Variants in KIFC3 observed in about 807,000 individuals in gnomAD.
The protein encoded by KIFC3 is kinesin-like protein KIFC3.
A neutral mutation model predicts 101.8 loss-of-function variants in KIFC3; 60 were observed. The observed-to-expected ratio is 0.59, with a 90% CI of 0.48 to 0.73. The LOEUF (loss-of-function observed/expected upper bound fraction) is 0.73. Ranked by LOEUF, KIFC3 falls within the 30% of genes least tolerant of loss-of-function variation. The pLI is 0.00. For missense variants in KIFC3, 966 were observed against 1,137.1 expected (o/e 0.85, Z 2.16); for synonymous variants, 476 against 482.7 (o/e 0.99, Z 0.18).
At chr16:57,818,998 C>T (rs535001599) in intron 1 of KIFC3, among the ~76,000 whole-genome samples, 9 of 152,316 alleles carry the variant, frequency 5.9e-5, no homozygotes, top group East Asian at 5.8e-4. Context: ...AGCTGAGCCA[C>T]GGAGTCTGGG....
chr16:57,786,509 G>A (rs2053339264), intron 3 of KIFC3, among the ~76,000 whole-genome samples: 1 of 152,072 alleles, frequency 6.6e-6, no homozygotes, highest in African/African-American at 2.4e-5. Flanking sequence ...GTTTGGGGGA[G>A]AGAGAGAAGA....
At chr16:57,826,039 G>A (rs1244410354) in intron 1 of KIFC3, among the ~76,000 whole-genome samples, 1 of 152,220 alleles carries the variant, frequency 6.6e-6, no homozygotes, top group African/African-American at 2.4e-5. Flanking sequence ...TGCAAACTAT[G>A]GTGAAAAGTA....
In KIFC3 at chr16:57,760,416, C is replaced by T. The variant is rs782117533; in HGVS notation, c.2233G>A (p.Val745Met). Residue 745 changes from valine (V) to methionine (M), a missense_variant and splice_region_variant, in exon 17 of 20, where the codon GTG becomes ATG. Physicochemically the swap from Val to Met is conservative, Grantham distance 21. This residue lies in a region of KIFC3 where 689 missense variants were observed against 884.6 expected (regional missense o/e 0.78). Transcript: ENST00000445690. ...GDSKTLMVVQ[V>M]SPVEKNTSET... ...CTAGTGTTCTTCTCCACGGGGGACACCTAGGGGACACGAGAGCTCACTGCC... is the reference window on the plus strand; with the variant it reads ...CTAGTGTTCTTCTCCACGGGGGACATCTAGGGGACACGAGAGCTCACTGCC... The T allele has an allele frequency of 6.2e-7, 1 of 1,613,060 alleles. No individual in the cohort carries two copies. Among genetic ancestry groups the T allele is most frequent in the Non-Finnish European group, 8.5e-7 (1 of 1,179,544 alleles).
intron 1 of KIFC3, among the ~76,000 whole-genome samples, chr16:57,850,983 TTCCTTCCTTCCTTCCC>T (rs1346481907): frequency 5.3e-4 from 9 of 17,084 alleles, no homozygotes; most frequent in South Asian, 2.0e-3. Context: ...CCTTCCTTCC[TTCCTTCCTTCCTTCCC>T]TCCCTCCCTC....
chr16:57,855,819 A>T (rs1251263773), intron 1 of KIFC3, among the ~76,000 whole-genome samples: 1 of 151,580 alleles, frequency 6.6e-6, no homozygotes, highest in Admixed American at 6.6e-5. Flanking sequence ...GGTGGCACAC[A>T]CCTATAGTCC....
At chr16:57,764,567 G>A (rs2050235901) in intron 11 of KIFC3, among the ~76,000 whole-genome samples, 1 of 152,264 alleles carries the variant, frequency 6.6e-6, no homozygotes, top group Non-Finnish European at 1.5e-5. Context: ...CTCTGGCCTG[G>A]GCCTGCCTGC....
At chr16:57,829,618 A>G (rs565325183) in intron 1 of KIFC3, among the ~76,000 whole-genome samples, 1 of 152,346 alleles carries the variant, frequency 6.6e-6, no homozygotes, top group Non-Finnish European at 1.5e-5. Context: ...AAAAGTACCT[A>G]GGGCTCAGGA....
Position 57,795,034 on chromosome 16 carries a change from G to C in KIFC3, c.280C>G (p.Pro94Ala), listed in dbSNP as rs781885580. Residue 94 changes from proline (P) to alanine (A), a missense_variant, in exon 3 of 20, where the codon CCC (proline) becomes GCC (alanine). Physicochemically the swap from Pro to Ala is conservative, Grantham distance 27 (BLOSUM62 -1). Transcript: ENST00000445690. ...CRALSVDWAGPGSPHGLYLTL... is the reference protein window; with the variant it reads ...CRALSVDWAGAGSPHGLYLTL... ...AGGTAGAGCCCGTGGGGGCTTCCGG[G>C]GCCAGCCCAGTCCACGCTAAGGGCT... 1 of 1,598,434 alleles carries C rather than the reference G, an allele frequency of 6.3e-7. No individual in the cohort carries two copies. The highest frequency in any genetic ancestry group is 2.3e-5 in the East Asian group (1 of 43,230).
chr16:57,858,548 A>G (rs2056227883), intron 1 of KIFC3, among the ~76,000 whole-genome samples: 1 of 152,160 alleles, frequency 6.6e-6, no homozygotes, highest in African/African-American at 2.4e-5. Context: ...CTTTCTCTGG[A>G]GTTCTGCTCC....
In KIFC3 at chr16:57,797,903, C is replaced by T. The variant is rs1378240660; in HGVS notation, c.172+169G>A. Reference sequence around the variant, plus strand: ...AGGGGCGCAGGGAAGGAGCGCCCGGCGAGACTGACGCTCCGGCTCCACGCC... The same window carrying T: ...AGGGGCGCAGGGAAGGAGCGCCCGGTGAGACTGACGCTCCGGCTCCACGCC... On this transcript the variant is annotated intron_variant, in intron 2 of 19. Transcript: ENST00000445690. The T allele has an allele frequency of 5.4e-6, 8 of 1,484,788 alleles. No individual in the cohort carries two copies. The South Asian group carries it at 6.9e-5, about 13-fold the overall frequency. The allele number at this position is 1,484,788 out of a possible 1,614,324, so 92.0% of individuals were successfully genotyped here. A position where few individuals can be genotyped will look rare whatever the true frequency, so the allele number is the denominator to read the frequency against.
Position 57,771,413 on chromosome 16 carries a change from G to A in KIFC3, c.550C>T (p.Leu184=), listed in dbSNP as rs782163255. The change falls in exon 6 of 20, where the codon CTG becomes TTG. Residue 184 remains leucine, a synonymous_variant. Transcript: ENST00000445690. ...SQESAQLRDK[L]SQLQLEMAES... is the part of the protein sequence containing the mutation. ...GCCATCTCCAGCTGCAGCTGGGACA[G>A]CTTGTCACGGAGCTGGGCGCTCTCC... 1.9e-6 allele frequency: 3 copies of A among 1,613,634 alleles called. No individual in the cohort carries two copies. In the East Asian group the frequency reaches 6.7e-5, roughly 36 times the overall value.
At chr16:57,830,121 C>T (rs1555478953) in intron 1 of KIFC3, among the ~76,000 whole-genome samples, 1 of 152,124 alleles carries the variant, frequency 6.6e-6, no homozygotes, top group Non-Finnish European at 1.5e-5. Context: ...ACAGAGAGCA[C>T]TGGCTTTGGT....
At chr16:57,807,015 C>T (rs1156921549), upstream of KIFC3, among the ~76,000 whole-genome samples, 3 of 152,038 alleles carry the variant, frequency 2.0e-5, no homozygotes, top group African/African-American at 4.8e-5. Context: ...GTCAGCAGTT[C>T]GAGACCAGCC....
At position 57,853,759 on chromosome 16, in the gene KIFC3, G is replaced by A. The variant is rs2056105832; in HGVS notation, c.108+8970C>T. On this transcript the variant is annotated intron_variant, in intron 1 of 2. Coordinates refer to the KIFC3 transcript ENST00000563028. Reference sequence around the variant, plus strand: ...CAATTCTCCTGTCTCAGCCTCCTGAGTAGCTGGGATTACAGGCGTGCGCCA... The same window carrying A: ...CAATTCTCCTGTCTCAGCCTCCTGAATAGCTGGGATTACAGGCGTGCGCCA... Among the ~76,000 whole-genome samples, 2 of 152,150 alleles carry A rather than the reference G, an allele frequency of 1.3e-5. 1 individual carries two copies. Among genetic ancestry groups the A allele is most frequent in the South Asian group, 4.1e-4 (2 of 4,830 alleles).
Position 57,765,643 on chromosome 16 carries a change from G to A in KIFC3, c.1331-3C>T, listed in dbSNP as rs1555602293. The A allele has an allele frequency of 3.1e-6, 5 of 1,607,380 alleles. No homozygotes were observed. The South Asian group carries it at 5.6e-5, about 18-fold the overall frequency. ...ACGAGCAATCACTCGGATGTTCCCT[G>A]GATTGGTTGGGGATGGGGAAATGGG... On this transcript the variant is annotated splice_polypyrimidine_tract_variant and splice_region_variant and intron_variant, in intron 10 of 19. Transcript: ENST00000445690.
At chr16:57,815,748 C>A in intron 1 of KIFC3, 1 of 1,014,252 alleles carries the variant, frequency 9.9e-7, no homozygotes, top group Non-Finnish European at 1.3e-6. Context: ...ATGGCTTGTC[C>A]CACGGCCAAG....
In KIFC3 at chr16:57,802,324, G is replaced by T; in HGVS notation, c.-40+46C>A. 1 of 930,944 alleles carries T rather than the reference G, an allele frequency of 1.1e-6. No individual in the cohort carries two copies. Among genetic ancestry groups the T allele is most frequent in the Non-Finnish European group, 1.3e-6 (1 of 780,954 alleles). 57.7% of individuals were successfully genotyped at this position (930,944 alleles called of 1,614,324 possible). A position where few individuals can be genotyped will look rare whatever the true frequency, so the allele number is the denominator to read the frequency against. On this transcript the variant is annotated intron_variant, in intron 1 of 19. Coordinates refer to ENST00000445690, the MANE Select transcript of KIFC3 (RefSeq NM_001130100.2). This position sits in a 1 kb window ranked among gnomAD's most constrained non-coding sequence, Gnocchi z 5.0. ...CGCCCCAAACGGCGGGCCGGGCAGA[G>T]CCCAGCGCCCCGCTCGCACCCAGCC...
chr16:57,803,134 A>G (rs2054843563), upstream of KIFC3: 3 of 1,099,716 alleles, frequency 2.7e-6, no homozygotes, highest in East Asian at 7.7e-5. Flanking sequence ...CAGCAAATGA[A>G]TATCTTCCCA....
chr16:57,834,158 G>A lies in KIFC3; in HGVS notation c.108+28571C>T, dbSNP rs186295063. Among the ~76,000 whole-genome samples, 211 of 152,180 alleles carry A rather than the reference G, an allele frequency of 1.4e-3. 2 individuals are homozygous for A. Among genetic ancestry groups the A allele is most frequent in the Non-Finnish European group, 2.8e-4 (19 of 68,022 alleles). On this transcript the variant is annotated intron_variant, in intron 1 of 2. Coordinates refer to the KIFC3 transcript ENST00000563028. ...TTACAGGCGTGAGCCACCGCGCCCC[G>A]GGAATGCATTTATTTTTAAAGTAAT...
Sources: allele counts gnomAD v4.1 joint callset (sites outside exome capture counted in the v4.1 genomes callset), GRCh38; gene constraint gnomAD v4.1.1; regional missense constraint gnomAD v4.1.1; non-coding constraint Gnocchi (gnomAD v3.1); transcripts MANE v1.5; gene names NCBI Gene and HGNC (gene_info 2026-07-23, HGNC 2026-07-21).